Variants in CFTR observed in about 807,000 individuals in gnomAD.
The protein encoded by CFTR is CF transmembrane conductance regulator, also known as cystic fibrosis transmembrane conductance regulator.
CFTR carries 181 observed loss-of-function variants against 171.6 expected under a neutral mutation model. That is an observed-to-expected ratio of 1.05 (90% CI 0.93 to 1.19). The LOEUF (loss-of-function observed/expected upper bound fraction) is 1.19. Among genes scored for constraint, CFTR ranks in the 50% most tolerant of loss-of-function variants. CFTR has a pLI of 0.00. For missense variants in CFTR, 1,968 were observed against 1,734.7 expected (o/e 1.13, Z -2.39); for synonymous variants, 583 against 608.0 (o/e 0.96, Z 0.60).
intron 11 of CFTR, among the ~76,000 whole-genome samples, chr7:117,581,834 T>G (rs1026887851): frequency 3.3e-5 from 5 of 152,176 alleles, no homozygotes; most frequent in African/African-American, 4.8e-5. Flanking sequence ...CATTGCAGCC[T>G]TGACCTCCTG....
chr7:117,537,326 A>G (rs1274383082), intron 7 of CFTR, among the ~76,000 whole-genome samples: 1 of 152,214 alleles, frequency 6.6e-6, no homozygotes, highest in African/African-American at 2.4e-5. Context: ...AAAGTACAGC[A>G]CAGACTGAGA....
chr7:117,509,214 C>G (rs576969949), intron 3 of CFTR, 72 bp downstream of exon 3: 4 of 946,308 alleles, frequency 4.2e-6, no homozygotes, highest in Admixed American at 3.5e-5. Flanking sequence ...GAAAAGACTA[C>G]GAAATCTGGT....
At chr7:117,613,617 A>T (rs1792437756) in intron 20 of CFTR, among the ~76,000 whole-genome samples, 1 of 152,170 alleles carries the variant, frequency 6.6e-6, no homozygotes, top group South Asian at 2.1e-4. Context: ...TTCTCAGCTT[A>T]ACCTTCAGAA....
Position 117,611,670 on chromosome 7 carries a change from CTG to C in CFTR, c.3231_3232del (p.Phe1078ProfsTer77), listed in dbSNP as rs779177972. ...AFGRQPYFETLFHKALNLHTA... is the reference protein window; with the variant it reads ...AFGRQPYFETXFHKALNLHTA... ...CGGACGGCAGCCTTACTTTGAAACT[CTG>C]TTCCACAAAGCTCTGAATTTACATA... On this transcript the variant is annotated frameshift_variant, in exon 20 of 27. Coordinates refer to ENST00000003084, the MANE Select transcript of CFTR (RefSeq NM_000492.4). LOFTEE classifies it high-confidence loss of function. 6.2e-7 allele frequency: 1 copy of C among 1,613,564 alleles called. No individual in the cohort carries two copies. The highest frequency in any genetic ancestry group is 1.7e-5 in the Admixed American group (1 of 59,904).
intron 1 of CFTR, among the ~76,000 whole-genome samples, chr7:117,501,779 A>C (rs1475681140): frequency 5.4e-4 from 81 of 149,064 alleles, no homozygotes; most frequent in Middle Eastern, 3.5e-3. Context: ...AAAGAAACAA[A>C]AAAAAAAAAA....
At chr7:117,664,664 C>T in intron 24 of CFTR, 24 bp from the exon 25 acceptor site, 1 of 1,609,846 alleles carries the variant, frequency 6.2e-7, no homozygotes, top group Non-Finnish European at 8.5e-7. Context: ...TCTGTGGTAT[C>T]TGAACTATCT....
intron 22 of CFTR, among the ~76,000 whole-genome samples, chr7:117,640,941 C>G (rs893580052): frequency 2.0e-5 from 3 of 152,036 alleles, no homozygotes; most frequent in African/African-American, 7.2e-5. Context: ...GAATTCAATG[C>G]AAAACAAGAT....
At chr7:117,592,687 C>A in intron 14 of CFTR, 30 bp downstream of exon 14, 1 of 1,483,724 alleles carries the variant, frequency 6.7e-7, no homozygotes, top group South Asian at 1.6e-5. Flanking sequence ...GGGTATTTCA[C>A]CCCACAGAAT....
chr7:117,489,006 A>C (rs1798116737), intron 1 of CFTR, among the ~76,000 whole-genome samples: 1 of 152,052 alleles, frequency 6.6e-6, no homozygotes, highest in South Asian at 2.1e-4. Context: ...CTCTTAAATA[A>C]ATTTAGTTTG....
intron 21 of CFTR, 89 bp from the exon 22 acceptor site, chr7:117,627,433 T>C (rs1792667595): frequency 7.2e-7 from 1 of 1,382,260 alleles, no homozygotes. Context: ...AAGTGTTGCA[T>C]TTTACAAGTT....
chr7:117,563,466 C>A (rs1400774389), intron 11 of CFTR, among the ~76,000 whole-genome samples: 2 of 151,940 alleles, frequency 1.3e-5, no homozygotes, highest in East Asian at 3.9e-4. Context: ...TCAGACAAGG[C>A]ATCAGGAAAA....
At chr7:117,574,875 CCTTCTTGGCTACGGTTAT>C (rs1791748918) in intron 11 of CFTR, among the ~76,000 whole-genome samples, 2 of 151,946 alleles carry the variant, frequency 1.3e-5, no homozygotes, top group African/African-American at 4.8e-5. Flanking sequence ...CTTTAATTTG[CCTTCTTGGCTACGGTTAT>C]CTTTTTGAGA....
chr7:117,612,033 A>ATATATATATATATATATATGTG (rs1792408060), intron 20 of CFTR, among the ~76,000 whole-genome samples: 1 of 75,312 alleles, frequency 1.3e-5, no homozygotes, highest in African/African-American at 6.0e-5. Context: ...GTATATATAT[A>ATATATATATATATATATATGTG]TATATATATA....
At chr7:117,581,274 T>G (rs1388174832) in intron 11 of CFTR, among the ~76,000 whole-genome samples, 1 of 152,180 alleles carries the variant, frequency 6.6e-6, no homozygotes, top group African/African-American at 2.4e-5. Context: ...CATGCAAACC[T>G]GGGACTTGAG....
intron 7 of CFTR, among the ~76,000 whole-genome samples, chr7:117,539,437 C>G (rs567643973): frequency 2.7e-5 from 4 of 149,578 alleles, no homozygotes; most frequent in Non-Finnish European, 5.9e-5. Flanking sequence ...TTTTTTGTTT[C>G]AAACGCAAAT....
At chr7:117,504,198 A>C (rs1473168809) in intron 1 of CFTR, 55 bp from the exon 2 acceptor site, 2 of 1,042,362 alleles carry the variant, frequency 1.9e-6, no homozygotes, top group Non-Finnish European at 3.0e-6. Flanking sequence ...TCAGATTCCA[A>C]ATCTGTATGG....
chr7:117,510,840 G>A (rs1798506385), intron 3 of CFTR, among the ~76,000 whole-genome samples: 1 of 151,918 alleles, frequency 6.6e-6, no homozygotes, highest in African/African-American at 2.4e-5. Context: ...TCAATATGAA[G>A]GTCTTTATGC....
At chr7:117,491,347 T>C (rs1378348852) in intron 1 of CFTR, among the ~76,000 whole-genome samples, 1 of 152,108 alleles carries the variant, frequency 6.6e-6, no homozygotes, top group Non-Finnish European at 1.5e-5. Flanking sequence ...TGTCCCCTTG[T>C]GTGCATCATC....
intron 1 of CFTR, among the ~76,000 whole-genome samples, chr7:117,494,434 T>C (rs1225973922): frequency 1.0e-5 from 1 of 97,974 alleles, no homozygotes; most frequent in Non-Finnish European, 1.8e-5. Context: ...GGCAGATTCC[T>C]GACTCCTATA....
Sources: gnomAD v4.1 joint callset for allele counts (sites outside exome capture counted in the v4.1 genomes callset) on GRCh38, gnomAD v4.1.1 for gene constraint, MANE v1.5 for transcripts, NCBI Gene and HGNC (gene_info 2026-07-23, HGNC 2026-07-21) for gene names.